The following RPRD2 variants were observed in gnomAD, a reference collection of about 807,000 sequenced individuals.
RPRD2 encodes regulation of nuclear pre-mRNA domain-containing protein 2.
In RPRD2, 12 loss-of-function variants were observed where a neutral mutation model predicts 104.4. That is an observed-to-expected ratio of 0.11 (90% CI 0.07 to 0.19). The LOEUF (loss-of-function observed/expected upper bound fraction) is 0.19. Ranked by LOEUF, RPRD2 falls within the 10% of genes least tolerant of loss-of-function variation. The pLI, the probability that RPRD2 is intolerant of heterozygous loss-of-function variation, is 1.00. For synonymous variants in RPRD2, 714 were observed against 684.9 expected (o/e 1.04, Z -0.66); for missense variants, 1,543 against 1,790.1 (o/e 0.86, Z 2.49).
At chr1:150,420,715 A>G (rs1226756144) in intron 2 of RPRD2, among the ~76,000 whole-genome samples, 2 of 152,054 alleles carry the variant, frequency 1.3e-5, no homozygotes, top group Non-Finnish European at 2.9e-5. Flanking sequence ...AATCCCAGCT[A>G]CTCGGGAGGC....
intron 1 of RPRD2, among the ~76,000 whole-genome samples, chr1:150,415,580 G>A (rs1553888425): frequency 6.6e-6 from 1 of 152,020 alleles, no homozygotes; most frequent in Non-Finnish European, 1.5e-5. Flanking sequence ...AGCTACTCGA[G>A]AGGCTTGAGG....
intron 1 of RPRD2, among the ~76,000 whole-genome samples, chr1:150,372,614 TAGAA>T (rs1353772564): frequency 6.6e-6 from 1 of 151,234 alleles, no homozygotes; most frequent in Non-Finnish European, 1.5e-5. Context: ...TCTAGAGAAA[TAGAA>T]AGCAGGGAAG....
chr1:150,443,101 G>A, intron 4 of RPRD2, 130 bp from the exon 5 acceptor site: 1 of 615,490 alleles, frequency 1.6e-6, no homozygotes, highest in Non-Finnish European at 2.9e-6. Context: ...ATTTATTTTA[G>A]GAATTATGAC....
At chr1:150,398,574 C>T (rs1305656191) in intron 1 of RPRD2, among the ~76,000 whole-genome samples, 1 of 151,546 alleles carries the variant, frequency 6.6e-6, no homozygotes, top group Non-Finnish European at 1.5e-5. Context: ...GACAGAGTCT[C>T]ACTCTGTCAC....
At position 150,471,546 on chromosome 1, in the gene RPRD2, C is replaced by T. The variant is rs1668588373; in HGVS notation, c.2598C>T (p.Thr866=). 1.2e-6 allele frequency: 2 copies of T among 1,613,790 alleles called. No individual in the cohort carries two copies. Among genetic ancestry groups the T allele is most frequent in the Non-Finnish European group, 1.7e-6 (2 of 1,179,842 alleles). Residue 866 remains threonine (T), a synonymous_variant, in exon 11 of 11, where the codon ACC becomes ACT. Coordinates refer to ENST00000369068, the MANE Select transcript of RPRD2 (RefSeq NM_015203.5). The surrounding 1 kb of genome is among the most constrained non-coding windows in gnomAD (Gnocchi z 5.3). The stretch of plus-strand genomic sequence containing the variant: ...TGAAATCAAGCAAGCTGTCTGATAC[C>T]ACCGAGTACCAGCCAATTCTGTCCA... The part of the protein sequence containing the change: ...SILKSSKLSD[T]TEYQPILSSY...
chr1:150,423,776 C>A (rs963270619), intron 2 of RPRD2, among the ~76,000 whole-genome samples: 1 of 149,382 alleles, frequency 6.7e-6, no homozygotes, highest in Non-Finnish European at 1.5e-5. Context: ...GCAAATATTC[C>A]GAAATCTGAA....
chr1:150,448,810 T>C (rs12123103), intron 7 of RPRD2, among the ~76,000 whole-genome samples: 33,757 of 152,174 alleles, frequency 0.22, 4,260 homozygotes, highest in African/African-American at 0.32. Context: ...CCCTAAGTCT[T>C]AGGCTAAAAT....
rs1560233881 is a variant in RPRD2 at position 150,473,146 on chromosome 1, G to A, written c.4198G>A (p.Gly1400Ser). The A allele has an allele frequency of 6.8e-6, 11 of 1,613,952 alleles. No homozygotes were observed. The highest frequency in any genetic ancestry group is 9.3e-6 in the Non-Finnish European group (11 of 1,179,850). The part of the protein sequence containing the change: ...GSNSSSGPPL[G>S]PSHRDTISRS... ...CAACAGCAGCAGTGGCCCCCCCTTG[G>A]GTCCCTCACACAGAGACACCATCAG... The change falls in exon 11 of 11, where the codon GGT (glycine) becomes AGT (serine). Residue 1400 changes from glycine to serine, a missense_variant. Around this residue, in one of 4 missense-constraint regions of RPRD2, gnomAD observed 880 missense variants for 885.6 expected, o/e 0.99. Transcript: ENST00000369068.
intron 1 of RPRD2, among the ~76,000 whole-genome samples, chr1:150,396,566 C>T (rs587627967): frequency 6.6e-6 from 1 of 152,154 alleles, no homozygotes; most frequent in Non-Finnish European, 1.5e-5. Context: ...TTTCATTCTT[C>T]TACATGTGGC....
At chr1:150,392,718 C>T (rs1010295324) in intron 1 of RPRD2, among the ~76,000 whole-genome samples, 1 of 152,012 alleles carries the variant, frequency 6.6e-6, no homozygotes, top group Non-Finnish European at 1.5e-5. Context: ...TAACAAGTAC[C>T]CGTAGTCCCA....
chr1:150,366,696 A>C (rs185296101), intron 1 of RPRD2, among the ~76,000 whole-genome samples: 41 of 152,326 alleles, frequency 2.7e-4, no homozygotes, highest in African/African-American at 9.9e-4. Flanking sequence ...GTTTGACTTC[A>C]TCATTAACTT....
rs1162310024 is a variant in RPRD2, at chr1:150,475,189, A to G, written c.*1855A>G. 6.6e-6 allele frequency: 1 copy of G among 152,206 alleles called. No homozygotes were observed. Among genetic ancestry groups the G allele is most frequent in the African/African-American group, 2.4e-5 (1 of 41,444 alleles). The allele number at this position is 152,206 out of a possible 1,614,324, so 9.4% of individuals were successfully genotyped here. A position where few individuals can be genotyped will look rare whatever the true frequency, so the allele number is the denominator to read the frequency against. On this transcript the variant is annotated 3_prime_UTR_variant, in exon 11 of 11. Transcript: ENST00000369068. ...ATGGGGTATGTAGTGTAGCAAAGAAAAGAAAGTATAGTTATATTGAGTCCT... is the reference window on the plus strand; with the variant it reads ...ATGGGGTATGTAGTGTAGCAAAGAAGAGAAAGTATAGTTATATTGAGTCCT...
At chr1:150,377,180 C>T (rs1341864463) in intron 1 of RPRD2, among the ~76,000 whole-genome samples, 1 of 150,744 alleles carries the variant, frequency 6.6e-6, no homozygotes, top group Non-Finnish European at 1.5e-5. Flanking sequence ...CACTACACTC[C>T]AGCCTGGTGA....
At chr1:150,428,931 A>G (rs1345586190) in intron 2 of RPRD2, among the ~76,000 whole-genome samples, 2 of 152,040 alleles carry the variant, frequency 1.3e-5, no homozygotes, top group Non-Finnish European at 2.9e-5. Context: ...TGAACATCCT[A>G]GCAATTCTAT....
intron 2 of RPRD2, among the ~76,000 whole-genome samples, chr1:150,427,755 T>C (rs1665253667): frequency 6.6e-6 from 1 of 152,118 alleles, no homozygotes. Context: ...GCCATAATCA[T>C]GCTATTGCAC....
intron 1 of RPRD2, among the ~76,000 whole-genome samples, chr1:150,369,623 ATTTTTT>A (rs61016870): frequency 1.5e-5 from 1 of 68,900 alleles, no homozygotes; most frequent in Non-Finnish European, 3.0e-5. Context: ...CGCCCAGCTA[ATTTTTT>A]TTTTTTTTTT....
chr1:150,428,897 G>A (rs1665360403), intron 2 of RPRD2, among the ~76,000 whole-genome samples: 3 of 152,172 alleles, frequency 2.0e-5, no homozygotes, highest in Admixed American at 6.5e-5. Flanking sequence ...AAGGGGGGGT[G>A]TCATTAGCAA....
intron 2 of RPRD2, 148 bp from the exon 3 acceptor site, chr1:150,440,775 A>G (rs1560204850): frequency 1.0e-5 from 6 of 571,946 alleles, no homozygotes; most frequent in Non-Finnish European, 9.2e-6. Flanking sequence ...AGATTTCTTT[A>G]GTCCTGGATA....
Position 150,364,376 on chromosome 1 carries a change from G to GT in RPRD2, c.-336dup, listed in dbSNP as rs1659662177. Among the ~76,000 whole-genome samples the GT allele has an allele frequency of 6.6e-6, 1 of 152,136 alleles. No individual in the cohort carries two copies. Among genetic ancestry groups the GT allele is most frequent in the South Asian group, 2.1e-4 (1 of 4,826 alleles). ...AGAGCCGAAAAGTATAAAACGATTA[G>GT]TTTCGGCGTCAGGCGTTTTGAAAGG... On this transcript the variant is annotated 5_prime_UTR_variant, in exon 1 of 11. Coordinates refer to ENST00000369068, the MANE Select transcript of RPRD2 (RefSeq NM_015203.5).
Sources: allele counts gnomAD v4.1 joint callset (sites outside exome capture counted in the v4.1 genomes callset), GRCh38; gene constraint gnomAD v4.1.1; regional missense constraint gnomAD v4.1.1; non-coding constraint Gnocchi (gnomAD v3.1); transcripts MANE v1.5; gene names NCBI Gene and HGNC (gene_info 2026-07-23, HGNC 2026-07-21).